MCTP1: variants seen among roughly 807,000 people sequenced by gnomAD.
MCTP1 encodes multiple C2 and transmembrane domain containing 1, also known as multiple C2 and transmembrane domain-containing protein 1.
A neutral mutation model predicts 120.6 loss-of-function variants in MCTP1; 69 were observed. The ratio of observed to expected loss-of-function variants is 0.57; its 90% CI spans 0.47 to 0.70. MCTP1 has a LOEUF of 0.70. MCTP1 is among the 30% of genes least tolerant of loss of function. The probability of loss-of-function intolerance (pLI) is 0.00; values close to 1 mark genes in which losing one functional copy is unlikely to be tolerated. For synonymous variants in MCTP1, 529 were observed against 493.1 expected (o/e 1.07, Z -0.96); for missense variants, 1,203 against 1,248.8 (o/e 0.96, Z 0.55).
chr5:95,026,444 C>A (rs1839276835), intron 1 of MCTP1, among the ~76,000 whole-genome samples: 1 of 152,104 alleles, frequency 6.6e-6, no homozygotes, highest in Non-Finnish European at 1.5e-5. Flanking sequence ...TCCCCTCAAC[C>A]CCCAACTACC....
At chr5:94,750,230 A>T (rs79908819) in intron 19 of MCTP1, among the ~76,000 whole-genome samples, 8,038 of 152,306 alleles carry the variant, frequency 0.053, 308 homozygotes, top group Non-Finnish European at 0.076. Context: ...ATCATATCTC[A>T]TCATTGCTGT....
At chr5:95,037,075 C>A (rs1384556139) in intron 1 of MCTP1, among the ~76,000 whole-genome samples, 2 of 152,194 alleles carry the variant, frequency 1.3e-5, no homozygotes, top group Admixed American at 6.5e-5. Context: ...AAAAACATGA[C>A]AACAGGAGTT....
At chr5:94,770,338 G>C (rs1773768567) in intron 19 of MCTP1, among the ~76,000 whole-genome samples, 1 of 152,124 alleles carries the variant, frequency 6.6e-6, no homozygotes, top group Non-Finnish European at 1.5e-5. Flanking sequence ...TGTCAAGAAA[G>C]GGGAATAGAA....
intron 2 of MCTP1, among the ~76,000 whole-genome samples, chr5:94,988,467 T>C (rs1470092251): frequency 6.6e-6 from 1 of 152,204 alleles, no homozygotes; most frequent in Non-Finnish European, 1.5e-5. Context: ...TTAATGAATA[T>C]ATTTTTCAAA....
intron 1 of MCTP1, chr5:95,081,304 T>C: frequency 1.4e-6 from 1 of 721,164 alleles, no homozygotes; most frequent in Non-Finnish European, 2.3e-6. Context: ...TGTATTAGAA[T>C]CTCAAATGCA....
At chr5:95,174,496 C>T (rs1747735934) in intron 1 of MCTP1, among the ~76,000 whole-genome samples, 1 of 152,106 alleles carries the variant, frequency 6.6e-6, no homozygotes, top group Admixed American at 6.5e-5. Context: ...TATTTCTTAG[C>T]CCAGAATTAT....
chr5:95,179,678 G>A (rs1031848287), intron 1 of MCTP1, among the ~76,000 whole-genome samples: 23 of 152,264 alleles, frequency 1.5e-4, no homozygotes, highest in South Asian at 8.3e-4. Flanking sequence ...GCTAAAAGGC[G>A]CTCTAAATCT....
chr5:94,947,555 A>AATATGTATATATAT (rs1554147609), intron 3 of MCTP1, among the ~76,000 whole-genome samples: 1 of 39,508 alleles, frequency 2.5e-5, no homozygotes, highest in Non-Finnish European at 4.8e-5. Flanking sequence ...TAGTTTACTA[A>AATATGTATATATAT]ATATATATAT....
chr5:95,188,577 AT>A (rs1749484988), intron 1 of MCTP1, among the ~76,000 whole-genome samples: 1 of 152,206 alleles, frequency 6.6e-6, no homozygotes, highest in Non-Finnish European at 1.5e-5. Flanking sequence ...TGAGTGAAAA[AT>A]GTCAATCTTA....
chr5:95,107,057 TAA>T (rs528867033), intron 1 of MCTP1, among the ~76,000 whole-genome samples: 68 of 152,244 alleles, frequency 4.5e-4, no homozygotes, highest in Admixed American at 2.4e-3. Context: ...TGTAGAAAAA[TAA>T]ACTCATACTA....
At chr5:95,139,912 T>C (rs1759765658) in intron 1 of MCTP1, among the ~76,000 whole-genome samples, 1 of 152,198 alleles carries the variant, frequency 6.6e-6, no homozygotes, top group Non-Finnish European at 1.5e-5. Context: ...GCTTTAAAAA[T>C]AAAATGATCC....
chr5:94,770,592 T>C (rs1261857335), intron 19 of MCTP1, among the ~76,000 whole-genome samples: 1 of 152,198 alleles, frequency 6.6e-6, no homozygotes, highest in African/African-American at 2.4e-5. Flanking sequence ...GGAGGGAATG[T>C]TGGAGACAGA....
chr5:94,770,856 G>A (rs1773893564), intron 19 of MCTP1, among the ~76,000 whole-genome samples: 1 of 152,180 alleles, frequency 6.6e-6, no homozygotes, highest in Non-Finnish European at 1.5e-5. Flanking sequence ...GGATTTTGGA[G>A]AACCCCAGGA....
rs918089266 is a variant in MCTP1 at position 95,284,934 on chromosome 5, C to T, written c.-359G>A. On this transcript the variant is annotated 5_prime_UTR_variant, in exon 1 of 23. Coordinates refer to ENST00000515393, the MANE Select transcript of MCTP1 (RefSeq NM_024717.7). This position sits in a 1 kb window ranked among gnomAD's most constrained non-coding sequence, Gnocchi z 5.2. ...GTCCCCCAGGCCGCGCCCTGGCTCC[C>T]TCTTCTCTCTGACCGAGCTCGGGAA... is the stretch of plus-strand genomic sequence containing the variant. Among the ~76,000 whole-genome samples, 1 of 152,166 alleles carries T rather than the reference C, an allele frequency of 6.6e-6. No homozygotes were observed. The highest frequency in any genetic ancestry group is 6.5e-5 in the Admixed American group (1 of 15,288).
At chr5:95,167,040 A>G (rs1025504574) in intron 1 of MCTP1, among the ~76,000 whole-genome samples, 1 of 150,976 alleles carries the variant, frequency 6.6e-6, no homozygotes, top group Non-Finnish European at 1.5e-5. Context: ...TACATTAGGT[A>G]TATCTCCTAA....
intron 1 of MCTP1, among the ~76,000 whole-genome samples, chr5:95,159,421 A>G (rs1745475249): frequency 6.6e-6 from 1 of 152,224 alleles, no homozygotes; most frequent in Admixed American, 6.5e-5. Context: ...TGTGCCAAGT[A>G]TATCAGTTAT....
intron 19 of MCTP1, among the ~76,000 whole-genome samples, chr5:94,740,883 G>A (rs973897442): frequency 1.3e-5 from 2 of 152,202 alleles, no homozygotes; most frequent in East Asian, 1.9e-4. Context: ...AATTGGGAAG[G>A]TGAGATTAAT....
intron 1 of MCTP1, among the ~76,000 whole-genome samples, chr5:95,084,503 T>C (rs1315748542): frequency 1.3e-5 from 2 of 149,930 alleles, no homozygotes; most frequent in African/African-American, 4.9e-5. Flanking sequence ...GAATCTCCAA[T>C]GTACCTTCTA....
intron 2 of MCTP1, among the ~76,000 whole-genome samples, chr5:94,997,402 G>A (rs548966653): frequency 4.7e-4 from 71 of 152,192 alleles, no homozygotes; most frequent in Non-Finnish European, 9.3e-4. Flanking sequence ...GAAGAGACTG[G>A]GAGTCATCAC....
Sources: allele counts gnomAD v4.1 joint callset (sites outside exome capture counted in the v4.1 genomes callset), GRCh38; gene constraint gnomAD v4.1.1; non-coding constraint Gnocchi (gnomAD v3.1); transcripts MANE v1.5; gene names NCBI Gene and HGNC (gene_info 2026-07-23, HGNC 2026-07-21).